Variants in FARP2 observed in about 807,000 individuals in gnomAD.
The protein encoded by FARP2 is FERM, ARH/RhoGEF and pleckstrin domain protein 2.
FARP2 carries 111 observed loss-of-function variants against 130.5 expected under a neutral mutation model. That is an observed-to-expected ratio of 0.85 (90% confidence interval 0.73 to 1.00). The LOEUF is 1.00. FARP2 is among the 50% of genes least tolerant of loss of function. The pLI is 0.00. For missense variants in FARP2, 1,385 were observed against 1,346.3 expected, an observed-to-expected ratio of 1.03 and a Z score of -0.45; for synonymous variants, 504 against 516.9, an observed-to-expected ratio of 0.98 and a Z score of 0.34.
chr2:241,435,276 T>A (rs1004890617), intron 11 of FARP2, among the ~76,000 whole-genome samples: 1 of 150,450 alleles, frequency 6.6e-6, no homozygotes, highest in African/African-American at 2.4e-5. Context: ...TTTTGTTTTT[T>A]TTTTTTTTCT....
intron 19 of FARP2, chr2:241,478,458 CCTA>C (rs1358628519): frequency 7.5e-6 from 2 of 267,970 alleles, no homozygotes; most frequent in African/African-American, 2.3e-5. Context: ...ATTGGTGGCA[CCTA>C]CTTTCTCACC....
chr2:241,379,748 C>T (rs1046209374), intron 2 of FARP2, among the ~76,000 whole-genome samples: 5 of 152,180 alleles, frequency 3.3e-5, no homozygotes, highest in African/African-American at 1.2e-4. Flanking sequence ...GGTCTGACCT[C>T]AGAAGAAAAA....
Position 241,493,340 on chromosome 2 carries a change from C to G in FARP2, c.2943C>G (p.Ser981Arg). Residue 981 changes from serine (S) to arginine (R), a missense_variant, in exon 26 of 27, where the codon AGC (serine) becomes AGG (arginine). By Grantham distance (110) the Ser-to-Arg change is moderately radical. Coordinates refer to ENST00000264042, the MANE Select transcript of FARP2 (RefSeq NM_014808.4). ...ASLPLLGYSV[S>R]IPREADGIHK... ...TCCCGCTGCTGGGCTACAGCGTGAG[C>G]ATCCCCAGGGAGGCCGATGGCATAC... 3 of 1,614,020 alleles carry G rather than the reference C, an allele frequency of 1.9e-6. No homozygotes were observed. In the South Asian group the frequency reaches 3.3e-5, roughly 18 times the overall value.
chr2:241,461,026 G>A (rs551471102), intron 14 of FARP2, among the ~76,000 whole-genome samples: 25 of 152,304 alleles, frequency 1.6e-4, no homozygotes, highest in African/African-American at 6.0e-4. Context: ...CACGAGGGTA[G>A]ACAACCCTGC....
At chr2:241,411,874 A>T (rs904077096) in intron 6 of FARP2, among the ~76,000 whole-genome samples, 1 of 152,198 alleles carries the variant, frequency 6.6e-6, no homozygotes, top group Non-Finnish European at 1.5e-5. Context: ...AATAAATTTT[A>T]TTATGGGTTT....
At chr2:241,480,426 A>T (rs2124876300) in intron 19 of FARP2, among the ~76,000 whole-genome samples, 1 of 152,290 alleles carries the variant, frequency 6.6e-6, no homozygotes, top group East Asian at 1.9e-4. Context: ...AGAGCTCTGG[A>T]GGAAGGCAGC....
chr2:241,451,789 C>G (rs1258008791), intron 13 of FARP2, among the ~76,000 whole-genome samples: 2 of 152,112 alleles, frequency 1.3e-5, no homozygotes, highest in African/African-American at 4.8e-5. Context: ...CAGTCTCACT[C>G]TGTTCCCCAG....
At chr2:241,374,526 A>G (rs1184365894) in intron 2 of FARP2, among the ~76,000 whole-genome samples, 1 of 152,124 alleles carries the variant, frequency 6.6e-6, no homozygotes, top group Non-Finnish European at 1.5e-5. Context: ...AGAAAACAAA[A>G]CTATTATTGA....
intron 7 of FARP2, among the ~76,000 whole-genome samples, chr2:241,417,537 G>C (rs544575711): frequency 1.3e-5 from 2 of 152,282 alleles, no homozygotes; most frequent in South Asian, 4.1e-4. Context: ...TGTCCAGGCT[G>C]GTCTCAAACT....
chr2:241,410,950 C>A, intron 5 of FARP2, 83 bp from the exon 6 acceptor site: 1 of 961,698 alleles, frequency 1.0e-6, no homozygotes, highest in Non-Finnish European at 1.6e-6. Context: ...GGCTCATTTG[C>A]TGTCTTGCTG....
chr2:241,433,620 G>T (rs1451645250), intron 9 of FARP2, among the ~76,000 whole-genome samples: 1 of 152,232 alleles, frequency 6.6e-6, no homozygotes, highest in Non-Finnish European at 1.5e-5. Context: ...TGATAGTTGT[G>T]TGATTGTGGG....
At chr2:241,428,985 T>C (rs540384608) in intron 8 of FARP2, among the ~76,000 whole-genome samples, 25 of 152,240 alleles carry the variant, frequency 1.6e-4, no homozygotes, top group Non-Finnish European at 3.2e-4. Context: ...TTACTCCTTA[T>C]GGCTAAAGGG....
At chr2:241,454,556 G>A (rs1238434982) in intron 13 of FARP2, among the ~76,000 whole-genome samples, 2 of 152,188 alleles carry the variant, frequency 1.3e-5, no homozygotes, top group Non-Finnish European at 2.9e-5. Flanking sequence ...TCGGAAACAT[G>A]CCTGTTTTCA....
chr2:241,451,692 G>T (rs749601795), intron 13 of FARP2, among the ~76,000 whole-genome samples: 5 of 152,142 alleles, frequency 3.3e-5, no homozygotes, highest in Non-Finnish European at 7.3e-5. Context: ...ACCATGTCAA[G>T]TAAAGCTAAA....
chr2:241,410,173 T>C (rs2062477539), intron 5 of FARP2, among the ~76,000 whole-genome samples: 1 of 152,222 alleles, frequency 6.6e-6, no homozygotes, highest in Admixed American at 6.5e-5. Flanking sequence ...CTCATTACAT[T>C]CTCACTAATG....
chr2:241,365,681 A>G (rs1288972797), intron 1 of FARP2, among the ~76,000 whole-genome samples: 1 of 152,098 alleles, frequency 6.6e-6, no homozygotes, highest in Admixed American at 6.5e-5. Flanking sequence ...CTTAGGATAT[A>G]TTTTCCTGGT....
chr2:241,470,443 G>A (rs534803020), intron 18 of FARP2, among the ~76,000 whole-genome samples: 3 of 143,784 alleles, frequency 2.1e-5, no homozygotes, highest in African/African-American at 7.8e-5. Flanking sequence ...GATCTTGGAC[G>A]GAGGGGGACC....
chr2:241,365,790 C>A (rs77845321), intron 1 of FARP2, among the ~76,000 whole-genome samples: 5,049 of 151,848 alleles, frequency 0.033, 511 homozygotes, highest in Admixed American at 0.19. Flanking sequence ...TGTTTCATTT[C>A]GTTTGGGTTT....
chr2:241,417,417 GCT>G (rs2062702166), intron 7 of FARP2, among the ~76,000 whole-genome samples: 1 of 151,806 alleles, frequency 6.6e-6, no homozygotes, highest in African/African-American at 2.4e-5. Context: ...ATGGAGTCTC[GCT>G]CTGTCACCCA....
Sources: gnomAD v4.1 joint callset for allele counts (sites outside exome capture counted in the v4.1 genomes callset) on GRCh38, gnomAD v4.1.1 for gene constraint, MANE v1.5 for transcripts, NCBI Gene and HGNC (gene_info 2026-07-23, HGNC 2026-07-21) for gene names.